Variants in FAM185A observed in about 807,000 individuals in gnomAD.
The protein encoded by FAM185A is protein FAM185A.
A neutral mutation model predicts 45.7 loss-of-function variants in FAM185A; 21 were observed. The observed-to-expected ratio is 0.46, with a 90% confidence interval of 0.33 to 0.66. FAM185A has a LOEUF of 0.66. Ranked by LOEUF, FAM185A falls within the 30% of genes least tolerant of loss-of-function variation. The pLI is 0.03. For synonymous variants in FAM185A, 117 were observed against 194.0 expected, an observed-to-expected ratio of 0.60 and a Z score of 3.30; for missense variants, 305 against 485.4, an observed-to-expected ratio of 0.63 and a Z score of 3.49.
chr7:102,830,327 T>G, the FAM185A span, among the ~76,000 whole-genome samples: 1 of 152,238 alleles, frequency 6.6e-6, no homozygotes, highest in South Asian at 2.1e-4. Context: ...AGTCTCCATC[T>G]GTGCCTGCTT....
chr7:102,818,997 A>G, the FAM185A span, among the ~76,000 whole-genome samples: 1 of 151,782 alleles, frequency 6.6e-6, no homozygotes, highest in Non-Finnish European at 1.5e-5. Context: ...GTTCCCATCC[A>G]TCTGTCCATG....
intron 2 of FAM185A, among the ~76,000 whole-genome samples, chr7:102,754,354 T>C (rs1793560185): frequency 6.6e-6 from 1 of 152,224 alleles, no homozygotes; most frequent in South Asian, 2.1e-4. Flanking sequence ...GCACCCGCTA[T>C]CATGCTCGGC....
the FAM185A span, among the ~76,000 whole-genome samples, chr7:102,844,335 A>G: frequency 6.6e-6 from 1 of 152,324 alleles, no homozygotes; most frequent in Middle Eastern, 3.4e-3. Context: ...ATATAAAGAG[A>G]AAAGAAATAA....
At chr7:102,755,592 G>C (rs944466856) in intron 2 of FAM185A, 2 of 630,550 alleles carry the variant, frequency 3.2e-6, no homozygotes, top group African/African-American at 3.6e-5. Flanking sequence ...TAACAAGAAA[G>C]CTCCGCTGGT....
At chr7:102,822,073 A>C in the FAM185A span, 2 of 1,614,206 alleles carry the variant, frequency 1.2e-6, no homozygotes, top group South Asian at 2.2e-5. Flanking sequence ...CATCTTAAGG[A>C]TCCGGAGTTG....
At chr7:102,802,951 C>T (rs570900090) in intron 7 of FAM185A, among the ~76,000 whole-genome samples, 2 of 152,118 alleles carry the variant, frequency 1.3e-5, no homozygotes, top group Non-Finnish European at 2.9e-5. Flanking sequence ...GGATAAATTC[C>T]TGGAAAGATA....
intron 7 of FAM185A, among the ~76,000 whole-genome samples, chr7:102,806,288 A>G (rs1370348302): frequency 1.3e-5 from 2 of 152,010 alleles, no homozygotes; most frequent in Non-Finnish European, 2.9e-5. Flanking sequence ...AGGTTCAAGC[A>G]ATTCTCCTAC....
At chr7:102,793,112 T>A (rs940232058) in intron 7 of FAM185A, among the ~76,000 whole-genome samples, 4 of 152,272 alleles carry the variant, frequency 2.6e-5, no homozygotes, top group African/African-American at 9.6e-5. Flanking sequence ...GAATGAAGAA[T>A]GCTCTAAGGC....
At chr7:102,833,353 A>G in the FAM185A span, among the ~76,000 whole-genome samples, 2 of 152,176 alleles carry the variant, frequency 1.3e-5, no homozygotes, top group South Asian at 4.1e-4. Context: ...CTTTGGAATC[A>G]GACAGACCCG....
At chr7:102,823,736 G>C in the FAM185A span, among the ~76,000 whole-genome samples, 1 of 152,172 alleles carries the variant, frequency 6.6e-6, no homozygotes, top group African/African-American at 2.4e-5. Context: ...CGTGAGGCTT[G>C]GCTCTTGTTT....
chr7:102,780,637 G>A (rs1003426194), intron 6 of FAM185A, among the ~76,000 whole-genome samples: 2 of 152,212 alleles, frequency 1.3e-5, no homozygotes, highest in Non-Finnish European at 2.9e-5. Context: ...GATGAGGTAG[G>A]AGTGTGTGAA....
At chr7:102,833,406 A>G in the FAM185A span, among the ~76,000 whole-genome samples, 1 of 150,940 alleles carries the variant, frequency 6.6e-6, no homozygotes, top group African/African-American at 2.4e-5. Flanking sequence ...CTTAAATCTT[A>G]GCAAGTTACT....
intron 7 of FAM185A, among the ~76,000 whole-genome samples, chr7:102,806,208 T>C (rs1008847011): frequency 6.6e-6 from 1 of 152,192 alleles, no homozygotes; most frequent in African/African-American, 2.4e-5. Context: ...CCCTGAGACG[T>C]AGTTTCATCC....
intron 5 of FAM185A, among the ~76,000 whole-genome samples, chr7:102,775,265 A>T (rs929194232): frequency 6.6e-6 from 1 of 152,324 alleles, no homozygotes; most frequent in Middle Eastern, 3.4e-3. Flanking sequence ...TGTGCTATAC[A>T]TTAGATCTAC....
chr7:102,786,164 T>G (rs1222201836), intron 6 of FAM185A, among the ~76,000 whole-genome samples: 2 of 152,062 alleles, frequency 1.3e-5, no homozygotes, highest in Non-Finnish European at 2.9e-5. Flanking sequence ...TGGCGATCAT[T>G]AAAAAGTCAG....
rs181840454 is a variant in FAM185A at position 102,761,628 on chromosome 7, A to G, written c.793+217A>G. Among the ~76,000 whole-genome samples the G allele has an allele frequency of 7.3e-5, 11 of 151,506 alleles. No homozygotes were observed. The East Asian group carries it at 2.1e-3, about 29-fold the overall frequency. The stretch of plus-strand genomic sequence containing the variant: ...GAGATTAAAGATTATGCTGTTATAT[A>G]TGGAACTAATAGTAAGTCTAATTTT... On this transcript the variant is annotated intron_variant, in intron 4 of 7. Transcript: ENST00000413034.
rs184924999 is a variant in FAM185A, at chr7:102,771,827, T to A, written c.794-582T>A. 3.3e-5 allele frequency among the ~76,000 whole-genome samples: 5 copies of A among 152,290 alleles called. No homozygotes were observed. The East Asian group carries it at 9.6e-4, about 29-fold the overall frequency. On this transcript the variant is annotated intron_variant, in intron 4 of 7. Coordinates refer to ENST00000413034, the MANE Select transcript of FAM185A (RefSeq NM_001145268.2). ...GAATGGTTGCAATATTCCATCCTTATCATGGAAAACATATTTTCACTAAGA... is the reference window on the plus strand; with the variant it reads ...GAATGGTTGCAATATTCCATCCTTAACATGGAAAACATATTTTCACTAAGA...
chr7:102,751,713 G>A lies in FAM185A; in HGVS notation c.473G>A (p.Gly158Glu). ...LKFGLDIKSSGSGCVKVQSIE... is the reference protein window; with the variant it reads ...LKFGLDIKSSESGCVKVQSIE... ...CTAGGTTTAGATATCAAGTCATCAG[G>A]GTCTGGCTGTGTAAAAGTTCAAAGT... The change falls in exon 2 of 8, where the codon GGG becomes GAG. Residue 158 changes from glycine to glutamate, a missense_variant. Transcript: ENST00000413034. The A allele has an allele frequency of 1.3e-6, 2 of 1,550,616 alleles. No homozygotes were observed. The highest frequency in any genetic ancestry group is 1.7e-6 in the Non-Finnish European group (2 of 1,146,484).
At chr7:102,756,254 C>T (rs976257078) in intron 2 of FAM185A, among the ~76,000 whole-genome samples, 4 of 151,902 alleles carry the variant, frequency 2.6e-5, no homozygotes, top group African/African-American at 9.7e-5. Flanking sequence ...AAACTAAAGA[C>T]GTATATAATG....
Sources: allele counts gnomAD v4.1 joint callset (sites outside exome capture counted in the v4.1 genomes callset), GRCh38; gene constraint gnomAD v4.1.1; transcripts MANE v1.5; gene names NCBI Gene and HGNC (gene_info 2026-07-23, HGNC 2026-07-21).